Variants in SORCS2 observed in about 807,000 individuals in gnomAD.
SORCS2 encodes VPS10 domain-containing receptor SorCS2.
Under a neutral mutation model 141.6 loss-of-function variants are expected in SORCS2, and 100 were observed. The observed-to-expected ratio is 0.71, with a 90% CI of 0.60 to 0.83. SORCS2 has a LOEUF of 0.83. SORCS2 is among the 40% of genes least tolerant of loss of function. The probability of loss-of-function intolerance (pLI) is 0.00; values close to 1 mark genes in which losing one functional copy is unlikely to be tolerated. For missense variants in SORCS2, 1,646 were observed against 1,560.2 expected (o/e 1.05, Z -0.93); for synonymous variants, 789 against 676.9 (o/e 1.17, Z -2.57).
intron 2 of SORCS2, among the ~76,000 whole-genome samples, chr4:7,456,847 AT>A (rs1223731061): frequency 6.6e-6 from 1 of 151,880 alleles, no homozygotes; most frequent in Non-Finnish European, 1.5e-5. Flanking sequence ...GGCCTGCAGA[AT>A]TCCACCCCAC....
intron 3 of SORCS2, among the ~76,000 whole-genome samples, chr4:7,598,157 C>T (rs879908478): frequency 1.3e-4 from 20 of 151,964 alleles, no homozygotes; most frequent in Admixed American, 4.6e-4. Flanking sequence ...TTAGAAGAGA[C>T]GGGGTTTCAC....
intron 3 of SORCS2, among the ~76,000 whole-genome samples, chr4:7,570,409 G>A (rs1400347821): frequency 1.3e-5 from 2 of 152,256 alleles, no homozygotes; most frequent in African/African-American, 4.8e-5. Flanking sequence ...TTCCGGGTGG[G>A]CCCTGTCACT....
intron 8 of SORCS2, among the ~76,000 whole-genome samples, chr4:7,672,150 C>T (rs369312960): frequency 2.0e-5 from 3 of 152,056 alleles, no homozygotes; most frequent in Admixed American, 6.6e-5. Context: ...ACCATGTTGG[C>T]TAGGCTGGTC....
chr4:7,576,656 T>G (rs931906199), intron 3 of SORCS2, among the ~76,000 whole-genome samples: 3 of 152,076 alleles, frequency 2.0e-5, no homozygotes, highest in African/African-American at 7.2e-5. Flanking sequence ...GTGGAAGGTG[T>G]GGACGTGGAG....
intron 1 of SORCS2, among the ~76,000 whole-genome samples, chr4:7,343,609 C>T (rs1453495762): frequency 6.6e-6 from 1 of 152,214 alleles, no homozygotes; most frequent in Admixed American, 6.5e-5. Context: ...GGGGCAGATG[C>T]CTGGCTTCAG....
intron 22 of SORCS2, among the ~76,000 whole-genome samples, chr4:7,728,718 T>G (rs1228521669): frequency 6.6e-6 from 1 of 152,196 alleles, no homozygotes; most frequent in African/African-American, 2.4e-5. Context: ...ATGCACACAG[T>G]CCAGGGACCA....
intron 1 of SORCS2, among the ~76,000 whole-genome samples, chr4:7,316,431 C>G (rs1422760011): frequency 6.6e-6 from 1 of 152,164 alleles, no homozygotes; most frequent in African/African-American, 2.4e-5. Flanking sequence ...GCCAGTTTAG[C>G]CTCAGCCCAA....
In SORCS2 at chr4:7,324,855, C is replaced by A. The variant is rs528113904; in HGVS notation, c.481-71433C>A. Among the ~76,000 whole-genome samples, 7 of 152,294 alleles carry A rather than the reference C, an allele frequency of 4.6e-5. No homozygotes were observed. In the East Asian group the frequency reaches 1.2e-3, roughly 25 times the overall value. On this transcript the variant is annotated intron_variant, in intron 1 of 26. Transcript: ENST00000507866. ...TGTCATTTTCCTTTCAAACCGAGGG[C>A]GGTTTTGTCACTTCCCCAGTCGATG...
At chr4:7,434,993 C>T in intron 2 of SORCS2, 4 of 1,298,600 alleles carry the variant, frequency 3.1e-6, no homozygotes, top group Admixed American at 5.7e-5. Context: ...CTCCTGGCCA[C>T]TCCCACAGCC....
chr4:7,637,681 C>G (rs956301813), intron 3 of SORCS2, among the ~76,000 whole-genome samples: 1 of 152,040 alleles, frequency 6.6e-6, no homozygotes, highest in Non-Finnish European at 1.5e-5. Context: ...TGTGGGGGGG[C>G]CCAGCCCAGG....
At chr4:7,221,875 A>C (rs1728724887) in intron 1 of SORCS2, among the ~76,000 whole-genome samples, 1 of 152,074 alleles carries the variant, frequency 6.6e-6, no homozygotes, top group Non-Finnish European at 1.5e-5. Flanking sequence ...GGTAGGAGGC[A>C]CTGGTTCAAT....
At chr4:7,501,968 G>T (rs1303736002) in intron 2 of SORCS2, among the ~76,000 whole-genome samples, 2 of 152,200 alleles carry the variant, frequency 1.3e-5, no homozygotes, top group South Asian at 2.1e-4. Context: ...ACTTGTGGGC[G>T]CACTCCCGGC....
At position 7,605,804 on chromosome 4, in the gene SORCS2, G is replaced by C. The variant is rs377193887; in HGVS notation, c.649-32524G>C. On this transcript the variant is annotated intron_variant, in intron 3 of 26. Transcript: ENST00000507866. ...CTGGTCCTGGGAGGGGGTCTTGGGG[G>C]TGAGGAGCAGGGGGAACAGCTGGAT... Among the ~76,000 whole-genome samples the C allele has an allele frequency of 3.8e-4, 58 of 152,222 alleles. No individual in the cohort carries two copies. In the South Asian group the frequency reaches 0.012, roughly 30 times the overall value.
chr4:7,725,400 A>G, intron 20 of SORCS2, 113 bp downstream of exon 20: 1 of 1,403,814 alleles, frequency 7.1e-7, no homozygotes, highest in Non-Finnish European at 9.4e-7. Flanking sequence ...TGTAGGGTGC[A>G]CTCCTCACCC....
intron 2 of SORCS2, among the ~76,000 whole-genome samples, chr4:7,474,829 G>A (rs1317803671): frequency 3.3e-5 from 5 of 152,262 alleles, no homozygotes; most frequent in East Asian, 3.9e-4. Flanking sequence ...CCCGAAGCCC[G>A]GAACCAGGGG....
intron 2 of SORCS2, among the ~76,000 whole-genome samples, chr4:7,481,904 A>G (rs1191543387): frequency 9.6e-6 from 1 of 103,848 alleles, no homozygotes; most frequent in Non-Finnish European, 2.3e-5. Context: ...TCAGACCTGT[A>G]TCCCCACTGC....
chr4:7,285,417 G>T (rs796336669), intron 1 of SORCS2, among the ~76,000 whole-genome samples: 10 of 152,352 alleles, frequency 6.6e-5, no homozygotes, highest in African/African-American at 2.4e-4. Flanking sequence ...GGAGACATTA[G>T]GATGTGGACC....
intron 23 of SORCS2, among the ~76,000 whole-genome samples, chr4:7,730,739 G>A (rs758280675): frequency 8.5e-5 from 13 of 152,208 alleles, no homozygotes; most frequent in South Asian, 2.1e-4. Flanking sequence ...GGGGGAGGGC[G>A]CATGGCGAGT....
chr4:7,200,958 T>C (rs1163558147), intron 1 of SORCS2, among the ~76,000 whole-genome samples: 2 of 152,208 alleles, frequency 1.3e-5, no homozygotes, highest in Admixed American at 1.3e-4. Context: ...TGGCCTCAGC[T>C]CTTTACCGAG....
Sources: gnomAD v4.1 joint callset for allele counts (sites outside exome capture counted in the v4.1 genomes callset) on GRCh38, gnomAD v4.1.1 for gene constraint, MANE v1.5 for transcripts, NCBI Gene and HGNC (gene_info 2026-07-23, HGNC 2026-07-21) for gene names.